Variants in RYR2 observed in about 807,000 individuals in gnomAD.
RYR2 encodes cardiac muscle ryanodine receptor-calcium release channel.
In RYR2, 227 loss-of-function variants were observed where a neutral mutation model predicts 601.1. The ratio of observed to expected loss-of-function variants is 0.38; its 90% CI spans 0.34 to 0.42. RYR2 has a LOEUF of 0.42. Among genes scored for constraint, RYR2 ranks in the 10% least tolerant of loss-of-function variants. The probability of loss-of-function intolerance (pLI) is 1.00; values close to 1 mark genes in which losing one functional copy is unlikely to be tolerated. For synonymous variants in RYR2, 2,223 were observed against 2,175.1 expected, an observed-to-expected ratio of 1.02 and a Z score of -0.61; for missense variants, 4,646 against 6,156.5, an observed-to-expected ratio of 0.75 and a Z score of 8.21.
chr1:237,215,805 T>A (rs6663087), intron 1 of RYR2, among the ~76,000 whole-genome samples: 2 of 151,972 alleles, frequency 1.3e-5, no homozygotes, highest in Admixed American at 6.6e-5. Flanking sequence ...AAAATTCCCC[T>A]CCAAAGTTTC....
chr1:237,230,262 A>T (rs1297341515), intron 1 of RYR2, among the ~76,000 whole-genome samples: 1 of 152,214 alleles, frequency 6.6e-6, no homozygotes, highest in East Asian at 1.9e-4. Flanking sequence ...TTTAAAAATA[A>T]ATGTTACCAA....
chr1:237,186,692 A>G (rs1386072288), intron 1 of RYR2, among the ~76,000 whole-genome samples: 2 of 152,238 alleles, frequency 1.3e-5, no homozygotes, highest in South Asian at 4.1e-4. Flanking sequence ...CGAAAAGCAC[A>G]GGCTGACATT....
intron 63 of RYR2, among the ~76,000 whole-genome samples, chr1:237,692,793 A>G (rs1687062331): frequency 6.6e-6 from 1 of 152,154 alleles, no homozygotes; most frequent in Non-Finnish European, 1.5e-5. Context: ...GACCTCCTTG[A>G]TAATACTCCG....
intron 10 of RYR2, among the ~76,000 whole-genome samples, chr1:237,403,830 G>A (rs1703614365): frequency 6.6e-6 from 1 of 152,180 alleles, no homozygotes; most frequent in South Asian, 2.1e-4. Context: ...TATCTCATAT[G>A]TAACTTTGGA....
intron 98 of RYR2, among the ~76,000 whole-genome samples, chr1:237,804,681 G>A (rs980226859): frequency 1.3e-5 from 2 of 152,020 alleles, no homozygotes; most frequent in African/African-American, 4.8e-5. Context: ...AGTATTATTA[G>A]GTGTATTATA....
Position 237,610,816 on chromosome 1 carries a change from C to T in RYR2, c.4738C>T (p.Pro1580Ser), listed in dbSNP as rs1677765906. The T allele has an allele frequency of 1.2e-6, 2 of 1,611,852 alleles. No homozygotes were observed. The highest frequency in any genetic ancestry group is 2.2e-5 in the South Asian group (2 of 90,602). ...CAAGAGTGAGCACAAGAACCCCGTG[C>T]CGCAGTGCCCCCCGCGCCTCCACGT... The part of the protein sequence containing the change: ...LFKSEHKNPV[P>S]QCPPRLHVQF... Residue 1580 changes from proline to serine, a missense_variant, in exon 36 of 105, where the codon CCG becomes TCG. By Grantham distance (74) the Pro-to-Ser change is moderately conservative. Transcript: ENST00000366574. This position sits in a 1 kb window ranked among gnomAD's most constrained non-coding sequence, Gnocchi z 4.9.
chr1:237,211,027 T>G (rs2149093661), intron 1 of RYR2, among the ~76,000 whole-genome samples: 1 of 152,280 alleles, frequency 6.6e-6, no homozygotes, highest in East Asian at 1.9e-4. Context: ...ATGTTTGGGC[T>G]GCTGGGATAG....
In RYR2 at chr1:237,550,586, C is replaced by A; in HGVS notation, c.3109C>A (p.Leu1037Ile). ...AAATCCTCGCCTTGTTCCCTACACT[C>A]TTCTGGATGACCGAACCAAGAAATC... is the stretch of plus-strand genomic sequence containing the variant. ...RRNPRLVPYT[L>I]LDDRTKKSNK... The change falls in exon 27 of 105, where the codon CTT becomes ATT. Residue 1037 changes from leucine (L) to isoleucine (I), a missense_variant. Transcript: ENST00000366574. 1 of 1,607,648 alleles carries A rather than the reference C, an allele frequency of 6.2e-7. No individual in the cohort carries two copies. The highest frequency in any genetic ancestry group is 1.7e-5 in the Admixed American group (1 of 59,136).
At chr1:237,266,783 G>A (rs184095215) in intron 1 of RYR2, among the ~76,000 whole-genome samples, 3 of 151,522 alleles carry the variant, frequency 2.0e-5, no homozygotes, top group Admixed American at 6.6e-5. Flanking sequence ...TCTCCTTGGT[G>A]GTATAGCAGA....
chr1:237,113,031 G>C (rs919880947), intron 1 of RYR2, among the ~76,000 whole-genome samples: 1 of 151,880 alleles, frequency 6.6e-6, no homozygotes, highest in Non-Finnish European at 1.5e-5. Context: ...TCTCCTTTCT[G>C]CATCCAAGAC....
At chr1:237,654,691 G>C (rs559569979) in intron 52 of RYR2, among the ~76,000 whole-genome samples, 1 of 152,144 alleles carries the variant, frequency 6.6e-6, no homozygotes, top group South Asian at 2.1e-4. Flanking sequence ...ATAAGTTTCC[G>C]GTGCATTTGG....
intron 42 of RYR2, among the ~76,000 whole-genome samples, chr1:237,631,752 C>G (rs1041991549): frequency 2.0e-5 from 3 of 151,052 alleles, no homozygotes; most frequent in Non-Finnish European, 2.9e-5. Flanking sequence ...CTCAGCCTCC[C>G]GAGGAGCTGG....
chr1:237,644,899 G>A (rs1236299693), intron 48 of RYR2, among the ~76,000 whole-genome samples: 2 of 152,092 alleles, frequency 1.3e-5, no homozygotes, highest in Non-Finnish European at 2.9e-5. Context: ...AAGCATGGTG[G>A]TGGGCATTTG....
At chr1:237,612,912 A>T (rs1284353983) in intron 36 of RYR2, among the ~76,000 whole-genome samples, 2 of 152,230 alleles carry the variant, frequency 1.3e-5, no homozygotes, top group Non-Finnish European at 2.9e-5. Context: ...TTTCCAAATG[A>T]TATGGAACAT....
intron 1 of RYR2, among the ~76,000 whole-genome samples, chr1:237,072,753 C>T (rs1664524443): frequency 6.6e-6 from 1 of 152,038 alleles, no homozygotes; most frequent in African/African-American, 2.4e-5. Context: ...TCGAGACCAG[C>T]TTGGGCAATA....
In RYR2 at chr1:237,715,062, T is replaced by G. The variant is rs369258180; in HGVS notation, c.10324-2136T>G. ...TGATTTAAGAAAGGGCTCAGGTTAG[T>G]CCACTTCCCTTCTTAAATATGCCCA... On this transcript the variant is annotated intron_variant, in intron 71 of 104. Transcript: ENST00000366574. 1.9e-4 allele frequency among the ~76,000 whole-genome samples: 27 copies of G among 145,022 alleles called. No homozygotes were observed. The South Asian group carries it at 6.2e-3, about 33-fold the overall frequency.
chr1:237,237,885 C>G (rs761523944), intron 1 of RYR2, among the ~76,000 whole-genome samples: 3 of 150,474 alleles, frequency 2.0e-5, no homozygotes, highest in Non-Finnish European at 4.4e-5. Context: ...CCCCTCTCCT[C>G]CTCTCCCCTC....
chr1:237,679,140 T>A (rs1384691709), intron 61 of RYR2, among the ~76,000 whole-genome samples: 1 of 152,160 alleles, frequency 6.6e-6, no homozygotes, highest in Non-Finnish European at 1.5e-5. Flanking sequence ...TAGATCCATA[T>A]ATATATCTCC....
At chr1:237,112,206 C>T (rs1030420353) in intron 1 of RYR2, among the ~76,000 whole-genome samples, 13 of 152,160 alleles carry the variant, frequency 8.5e-5, no homozygotes, top group African/African-American at 3.1e-4. Flanking sequence ...CTCCGCTTCC[C>T]GGGTTCAAGC....
Sources: gnomAD v4.1 joint callset for allele counts (sites outside exome capture counted in the v4.1 genomes callset) on GRCh38, gnomAD v4.1.1 for gene constraint, Gnocchi (gnomAD v3.1) non-coding constraint, MANE v1.5 for transcripts, NCBI Gene and HGNC (gene_info 2026-07-23, HGNC 2026-07-21) for gene names.